The following TACC3 variants were observed in gnomAD, a reference collection of about 807,000 sequenced individuals.
TACC3 encodes the protein transforming acidic coiled-coil-containing protein 3.
In TACC3, 52 loss-of-function variants were observed where a neutral mutation model predicts 86.0. That is an observed-to-expected ratio of 0.60 (90% CI 0.48 to 0.76). The LOEUF is 0.76. Ranked by LOEUF, TACC3 falls within the 30% of genes least tolerant of loss-of-function variation. TACC3 has a pLI of 0.00. For missense variants in TACC3, 1,120 were observed against 1,070.4 expected (o/e 1.05, Z -0.65); for synonymous variants, 512 against 430.0 (o/e 1.19, Z -2.36).
intron 1 of TACC3, among the ~76,000 whole-genome samples, chr4:1,722,455 C>T (rs560432267): frequency 6.6e-6 from 1 of 152,308 alleles, no homozygotes; most frequent in South Asian, 2.1e-4. Flanking sequence ...TCCTTGGGCT[C>T]CAGAAGCCTG....
chr4:1,745,095 C>A lies in TACC3; in HGVS notation c.*82C>A. Reference sequence around the variant, plus strand: ...TCTCTTAGGTGTCATGTTCTTTTTTCTGTCTTGTCTTCAACTTTTTTAAAA... The same window carrying A: ...TCTCTTAGGTGTCATGTTCTTTTTTATGTCTTGTCTTCAACTTTTTTAAAA... On this transcript the variant is annotated 3_prime_UTR_variant, in exon 16 of 16. Transcript: ENST00000313288. The A allele has an allele frequency of 7.1e-7, 1 of 1,407,086 alleles. No homozygotes were observed. The highest frequency in any genetic ancestry group is 1.3e-5 in the South Asian group (1 of 76,450). The allele number at this position is 1,407,086 out of a possible 1,614,324, so 87.2% of individuals were successfully genotyped here. A position where few individuals can be genotyped will look rare whatever the true frequency, so the allele number is the denominator to read the frequency against.
chr4:1,735,309 A>G lies in TACC3; in HGVS notation c.1628A>G (p.Gln543Arg), dbSNP rs146558316. The change falls in exon 7 of 16, where the codon CAG (glutamine) becomes CGG (arginine). Residue 543 changes from glutamine (Q) to arginine (R), a missense_variant. By Grantham distance (43) the Gln-to-Arg change is conservative. Coordinates refer to ENST00000313288, the MANE Select transcript of TACC3 (RefSeq NM_006342.3). This position sits in a 1 kb window ranked among gnomAD's most constrained non-coding sequence, Gnocchi z 4.2. ...GTGAEVDYLE[Q>R]FGTSSFKESA... ...GGCGCGGAGGTGGATTACCTGGAGC[A>G]GTTTGGAACTTCCTCGGTAGGTACC... 3.1e-6 allele frequency: 5 copies of G among 1,613,940 alleles called. No individual in the cohort carries two copies. In the African/African-American group the frequency reaches 5.3e-5, roughly 17 times the overall value.
At chr4:1,742,521 T>C (rs541046770) in intron 13 of TACC3, among the ~76,000 whole-genome samples, 2 of 152,326 alleles carry the variant, frequency 1.3e-5, no homozygotes, top group East Asian at 3.9e-4. Context: ...AGAGTATTGC[T>C]TCAATAGAGA....
chr4:1,737,627 G>A lies in TACC3; in HGVS notation c.1866G>A (p.Ala622=), dbSNP rs28654168. The A allele has an allele frequency of 1.6e-3, 2,403 of 1,530,556 alleles. 41 individuals carry two copies. In the African/African-American group the frequency reaches 0.029, roughly 18 times the overall value. 94.8% of individuals were successfully genotyped at this position (1,530,556 alleles called of 1,614,324 possible). A position where few individuals can be genotyped will look rare whatever the true frequency, so the allele number is the denominator to read the frequency against. ...PVPGPPPGVP[A]PGGPPLSTGP... ...CAGGCCCACCCCCAGGTGTTCCCGC[G>A]CCTGGGGGCCCACCCCTGTCCACCG... is the stretch of plus-strand genomic sequence containing the variant. The change falls in exon 10 of 16, where the codon GCG becomes GCA. Residue 622 remains alanine, a synonymous_variant. Transcript: ENST00000313288.
chr4:1,737,486 C>T, intron 9 of TACC3, 112 bp from the exon 10 acceptor site: 1 of 1,118,314 alleles, frequency 8.9e-7, no homozygotes. Flanking sequence ...TCTCGGGTCC[C>T]TCATGCACTG....
At chr4:1,727,475 G>A (rs1001671614) in intron 3 of TACC3, among the ~76,000 whole-genome samples, 4 of 152,188 alleles carry the variant, frequency 2.6e-5, no homozygotes, top group Admixed American at 1.3e-4. Context: ...CGGGGTCAGC[G>A]AGGAAGTCAC....
rs922457259 is a variant in TACC3, at chr4:1,727,858, G to A, written c.456G>A (p.Leu152=). The change falls in exon 4 of 16, where the codon CTG becomes CTA. Residue 152 remains leucine (L), a synonymous_variant. Coordinates refer to ENST00000313288, the MANE Select transcript of TACC3 (RefSeq NM_006342.3). ...SESGPGALAD[L]DCSSSSQSPG... ...CTGGCCCAGGTGCCCTGGCTGACCT[G>A]GACTGCTCAAGCTCTTCCCAGAGCC... 42 of 1,613,552 alleles carry A rather than the reference G, an allele frequency of 2.6e-5. No individual in the cohort carries two copies. The highest frequency in any genetic ancestry group is 3.6e-5 in the Non-Finnish European group (42 of 1,180,026).
upstream of TACC3, chr4:1,720,849 C>G (rs757836155): frequency 6.4e-7 from 1 of 1,562,586 alleles, no homozygotes; most frequent in Admixed American, 1.9e-5. The surrounding 1 kb of genome is among the most constrained non-coding windows in gnomAD (Gnocchi z 4.4). Flanking sequence ...GCGCAGCCGC[C>G]GGGAAGCTGT....
intron 6 of TACC3, 115 bp downstream of exon 6, chr4:1,731,416 G>A (rs1394804381): frequency 4.7e-6 from 6 of 1,287,392 alleles, no homozygotes; most frequent in African/African-American, 2.9e-5. Context: ...AGGCAGTTGG[G>A]TCCCTTGACT....
chr4:1,735,371 A>C lies in TACC3; in HGVS notation c.1644+46A>C, dbSNP rs746946619. 6.2e-7 allele frequency: 1 copy of C among 1,611,626 alleles called. No individual in the cohort carries two copies. The highest frequency in any genetic ancestry group is 1.1e-5 in the South Asian group (1 of 91,052). On this transcript the variant is annotated intron_variant, in intron 7 of 15. Transcript: ENST00000313288. This position sits in a 1 kb window ranked among gnomAD's most constrained non-coding sequence, Gnocchi z 4.2. ...CGAAGCCTCACCCACAGGGTGTCCG[A>C]GAGCAGCCACGGCAGGTCTTGCCCC...
intron 4 of TACC3, chr4:1,730,649 C>T (rs777696615): frequency 7.6e-6 from 5 of 657,666 alleles, no homozygotes; most frequent in South Asian, 3.0e-5. Context: ...TTAGAGCTCC[C>T]AGCCTGCTTC....
In TACC3 at chr4:1,728,600, CG is replaced by C; in HGVS notation, c.1202del (p.Gly401AlafsTer60). Reference protein sequence around the residue: ...AGEDPPMPASRGSYHLDWDKM... With the variant: ...AGEDPPMPASXGSYHLDWDKM... ...AGAGGACCCCCCCATGCCAGCTTCT[CG>C]GGGCTCTTACCACCTCGACTGGGAC... On this transcript the variant is annotated frameshift_variant, in exon 4 of 16. Transcript: ENST00000313288. LOFTEE classifies it high-confidence loss of function. 6.2e-7 allele frequency: 1 copy of C among 1,613,938 alleles called. No homozygotes were observed. Among genetic ancestry groups the C allele is most frequent in the Non-Finnish European group, 8.5e-7 (1 of 1,179,974 alleles).
Position 1,730,874 on chromosome 4 carries a change from T to TC in TACC3, c.1386-12dup. On this transcript the variant is annotated splice_polypyrimidine_tract_variant and intron_variant, in intron 4 of 15. Transcript: ENST00000313288. Reference sequence around the variant, plus strand: ...GTGGGGGGCATGGGCCTCTGCTGACTCTGTCTCCCCAGGCAGCTGCATTCA... The same window carrying TC: ...GTGGGGGGCATGGGCCTCTGCTGACTCCTGTCTCCCCAGGCAGCTGCATTCA... 2 of 1,612,706 alleles carry TC rather than the reference T, an allele frequency of 1.2e-6. No homozygotes were observed. Among genetic ancestry groups the TC allele is most frequent in the Non-Finnish European group, 1.7e-6 (2 of 1,179,916 alleles).
At chr4:1,723,264 C>G (rs1717507598) in intron 1 of TACC3, 157 bp from the exon 2 acceptor site, 1 of 725,500 alleles carries the variant, frequency 1.4e-6, no homozygotes, top group African/African-American at 1.8e-5. Context: ...CTGAGGCTTT[C>G]TCTGCCAAGA....
At position 1,728,184 on chromosome 4, in the gene TACC3, G is replaced by A. The variant is rs144462438; in HGVS notation, c.782G>A (p.Gly261Glu). ...GGTGCAATCCCTAAGGAAGCCTGCG[G>A]AGGAGCACCCCTGCAGGGTCTGCCT... ...PPGAIPKEAC[G>E]GAPLQGLPGE... is the part of the protein sequence containing the mutation. The change falls in exon 4 of 16, where the codon GGA (glycine) becomes GAA (glutamate). Residue 261 changes from glycine (G) to glutamate (E), a missense_variant. Gly to Glu is a moderately conservative substitution (Grantham distance 98). Transcript: ENST00000313288. 4.1e-4 allele frequency: 667 copies of A among 1,611,784 alleles called. 1 individual carries two copies. In the African/African-American group the frequency reaches 7.9e-3, roughly 19 times the overall value.
chr4:1,722,994 C>CA (rs1717489543), intron 1 of TACC3: 1 of 166,688 alleles, frequency 6.0e-6, no homozygotes, highest in African/African-American at 2.4e-5. Flanking sequence ...GGTCCTGCCT[C>CA]ACGTCACACG....
Position 1,744,930 on chromosome 4 carries a change from C to T in TACC3, c.2452-18C>T, listed in dbSNP as rs1285127431. The T allele has an allele frequency of 6.2e-7, 1 of 1,611,916 alleles. No homozygotes were observed. Among genetic ancestry groups the T allele is most frequent in the Non-Finnish European group, 8.5e-7 (1 of 1,179,582 alleles). ...CTCCAAGCAGGGAGAAGCCCCGCAA[C>T]TCATCTTCCTCCTCCAGACTAAAGA... On this transcript the variant is annotated intron_variant, in intron 15 of 15. Transcript: ENST00000313288.
intron 8 of TACC3, among the ~76,000 whole-genome samples, chr4:1,737,038 G>T (rs776121689): frequency 6.6e-6 from 1 of 152,242 alleles, no homozygotes; most frequent in Non-Finnish European, 1.5e-5. Flanking sequence ...AGCCACGTGG[G>T]ATGGGCAGGT....
At chr4:1,726,281 C>T (rs986336646) in intron 3 of TACC3, among the ~76,000 whole-genome samples, 3 of 152,234 alleles carry the variant, frequency 2.0e-5, no homozygotes, top group Admixed American at 2.0e-4. Context: ...AGAGGCCACT[C>T]AGGTCCTTCT....
Sources: allele counts gnomAD v4.1 joint callset (sites outside exome capture counted in the v4.1 genomes callset), GRCh38; gene constraint gnomAD v4.1.1; non-coding constraint Gnocchi (gnomAD v3.1); transcripts MANE v1.5; gene names NCBI Gene and HGNC (gene_info 2026-07-23, HGNC 2026-07-21).